WDR70: variants seen among roughly 807,000 people sequenced by gnomAD.
WDR70 encodes the protein WD repeat domain 70.
A neutral mutation model predicts 88.6 loss-of-function variants in WDR70; 53 were observed. The observed-to-expected ratio is 0.60, with a 90% CI of 0.48 to 0.75. The LOEUF (loss-of-function observed/expected upper bound fraction) is 0.75, where lower values mean the gene tolerates loss of function less well. Ranked by LOEUF, WDR70 falls within the 30% of genes least tolerant of loss-of-function variation. The pLI, the probability that WDR70 is intolerant of heterozygous loss-of-function variation, is 0.00. For synonymous variants in WDR70, 280 were observed against 270.0 expected, an observed-to-expected ratio of 1.04 and a Z score of -0.36; for missense variants, 610 against 823.2, an observed-to-expected ratio of 0.74 and a Z score of 3.17.
chr5:37,586,213 A>G (rs1309300587), intron 9 of WDR70, among the ~76,000 whole-genome samples: 2 of 152,000 alleles, frequency 1.3e-5, no homozygotes, highest in African/African-American at 2.4e-5. Flanking sequence ...TTATGCTTGA[A>G]CACTCTTTGC....
At chr5:37,703,678 C>A (rs914149718) in intron 13 of WDR70, among the ~76,000 whole-genome samples, 3 of 152,196 alleles carry the variant, frequency 2.0e-5, no homozygotes, top group Non-Finnish European at 4.4e-5. Flanking sequence ...CTGATGCATT[C>A]ATTCATTTGT....
intron 7 of WDR70, among the ~76,000 whole-genome samples, chr5:37,469,955 A>G (rs991040708): frequency 6.6e-6 from 1 of 152,150 alleles, no homozygotes; most frequent in Admixed American, 6.5e-5. Flanking sequence ...TTTGTAACGA[A>G]CATTCTTCTT....
intron 9 of WDR70, among the ~76,000 whole-genome samples, chr5:37,572,097 T>A (rs1195353902): frequency 6.6e-6 from 1 of 152,214 alleles, no homozygotes; most frequent in Non-Finnish European, 1.5e-5. Context: ...AATTATGTTC[T>A]GTTACTGAAA....
intron 9 of WDR70, among the ~76,000 whole-genome samples, chr5:37,599,357 C>T (rs1405795890): frequency 6.6e-6 from 1 of 152,142 alleles, no homozygotes; most frequent in Non-Finnish European, 1.5e-5. Flanking sequence ...TTTCTACTTA[C>T]AGTTATTTAA....
chr5:37,528,907 G>GTTTTTTTTTTTTTTTTTTTTTTTT (rs140383817), intron 9 of WDR70, among the ~76,000 whole-genome samples: 1 of 130,704 alleles, frequency 7.7e-6, no homozygotes. Context: ...GTCTAGAGGG[G>GTTTTTTTTTTTTTTTTTTTTTTTT]GTTTTTTTTT....
At chr5:37,650,645 A>G (rs983581476) in intron 10 of WDR70, among the ~76,000 whole-genome samples, 2 of 152,208 alleles carry the variant, frequency 1.3e-5, no homozygotes, top group Non-Finnish European at 2.9e-5. Flanking sequence ...TTAACATAAA[A>G]GGCTTTGAGA....
At position 37,752,709 on chromosome 5, in the gene WDR70, G is replaced by T; in HGVS notation, c.*136G>T. 1 of 654,668 alleles carries T rather than the reference G, an allele frequency of 1.5e-6. No individual in the cohort carries two copies. Among genetic ancestry groups the T allele is most frequent in the East Asian group, 3.0e-5 (1 of 33,114 alleles). 40.6% of individuals were successfully genotyped at this position (654,668 alleles called of 1,614,324 possible). A position where few individuals can be genotyped will look rare whatever the true frequency, so the allele number is the denominator to read the frequency against. On this transcript the variant is annotated 3_prime_UTR_variant, in exon 18 of 18. Coordinates refer to ENST00000265107, the MANE Select transcript of WDR70 (RefSeq NM_018034.4). ...CTTTGCATTATTGAACTGGTCAAAA[G>T]TTTGGTGGCTAGGCTTCACTAAAAT...
intron 9 of WDR70, among the ~76,000 whole-genome samples, chr5:37,520,393 C>G (rs1030065815): frequency 6.6e-6 from 1 of 151,954 alleles, no homozygotes; most frequent in African/African-American, 2.4e-5. Flanking sequence ...AAGAATGTGA[C>G]TAAAATAAAA....
intron 8 of WDR70, among the ~76,000 whole-genome samples, chr5:37,512,706 C>T (rs933268302): frequency 4.6e-5 from 7 of 151,592 alleles, no homozygotes; most frequent in Admixed American, 6.6e-5. Flanking sequence ...CTCAGCCTTC[C>T]GAGTAGCTGT....
At chr5:37,498,441 A>G (rs952970110) in intron 8 of WDR70, among the ~76,000 whole-genome samples, 1 of 152,082 alleles carries the variant, frequency 6.6e-6, no homozygotes, top group African/African-American at 2.4e-5. Context: ...CCTCTTTTGT[A>G]TTATGCTTCT....
chr5:37,503,725 T>C (rs1200938279), intron 8 of WDR70, among the ~76,000 whole-genome samples: 1 of 150,970 alleles, frequency 6.6e-6, no homozygotes, highest in Non-Finnish European at 1.5e-5. Context: ...AGAATTCTGC[T>C]ATGAATCCAC....
chr5:37,654,343 T>C (rs1268778282), intron 10 of WDR70, among the ~76,000 whole-genome samples: 1 of 152,222 alleles, frequency 6.6e-6, no homozygotes, highest in South Asian at 2.1e-4. Context: ...TTGCATTTGC[T>C]GAGGAGTGTT....
At chr5:37,610,448 G>T (rs2112485735) in intron 10 of WDR70, among the ~76,000 whole-genome samples, 1 of 151,334 alleles carries the variant, frequency 6.6e-6, no homozygotes, top group East Asian at 1.9e-4. Context: ...AAAAAAAGTT[G>T]GTTTTTTGGT....
intron 5 of WDR70, among the ~76,000 whole-genome samples, chr5:37,436,314 T>A (rs1750465663): frequency 6.6e-6 from 1 of 152,124 alleles, no homozygotes; most frequent in Non-Finnish European, 1.5e-5. Context: ...CTGTAACCTG[T>A]GGGGCAGGTG....
intron 10 of WDR70, among the ~76,000 whole-genome samples, chr5:37,631,483 G>A (rs1744816859): frequency 6.6e-6 from 1 of 152,134 alleles, no homozygotes; most frequent in African/African-American, 2.4e-5. Flanking sequence ...CTAACATTGT[G>A]TACCCACTGT....
Position 37,703,053 on chromosome 5 carries a change from T to C in WDR70, c.1382T>C (p.Phe461Ser), listed in dbSNP as rs762195386. The change falls in exon 13 of 18, where the codon TTC becomes TCC. Residue 461 changes from phenylalanine to serine, a missense_variant. By Grantham distance (155) the Phe-to-Ser change is radical. Coordinates refer to ENST00000265107, the MANE Select transcript of WDR70 (RefSeq NM_018034.4). ...CTTGTTTTCTTTGAGCGTAGGACTT[T>C]CCAAAGGGTGTATGAAATAGACATC... is the stretch of plus-strand genomic sequence containing the variant. The part of the protein sequence containing the change: ...GKLVFFERRT[F>S]QRVYEIDITD... 1.2e-6 allele frequency: 2 copies of C among 1,613,438 alleles called. No homozygotes were observed. The highest frequency in any genetic ancestry group is 1.1e-5 in the South Asian group (1 of 91,006).
At chr5:37,683,797 G>T (rs916636970) in intron 10 of WDR70, among the ~76,000 whole-genome samples, 1 of 152,064 alleles carries the variant, frequency 6.6e-6, no homozygotes, top group African/African-American at 2.4e-5. Flanking sequence ...TTCAACCTTG[G>T]AGAATCTGAT....
intron 10 of WDR70, among the ~76,000 whole-genome samples, chr5:37,674,101 T>C (rs190223283): frequency 2.0e-5 from 3 of 151,904 alleles, no homozygotes; most frequent in East Asian, 3.9e-4. Flanking sequence ...GTCTTTATAA[T>C]AGAATGATTA....
At chr5:37,473,343 CTTTT>C (rs70978821) in intron 7 of WDR70, among the ~76,000 whole-genome samples, 4 of 117,210 alleles carry the variant, frequency 3.4e-5, no homozygotes, top group Non-Finnish European at 5.6e-5. Context: ...TATTCATATT[CTTTT>C]TTTTTTTTTT....
Sources: allele counts gnomAD v4.1 joint callset (sites outside exome capture counted in the v4.1 genomes callset), GRCh38; gene constraint gnomAD v4.1.1; transcripts MANE v1.5; gene names NCBI Gene and HGNC (gene_info 2026-07-23, HGNC 2026-07-21).